The following PACS1 variants were observed in gnomAD, a reference collection of about 807,000 sequenced individuals.
PACS1 encodes PACS-1.
Under a neutral mutation model 115.0 loss-of-function variants are expected in PACS1, and 24 were observed. The observed-to-expected ratio is 0.21, with a 90% CI of 0.15 to 0.29. The LOEUF (loss-of-function observed/expected upper bound fraction) is 0.29, where lower values mean the gene tolerates loss of function less well. PACS1 is among the 10% of genes least tolerant of loss of function. The pLI, the probability that PACS1 is intolerant of heterozygous loss-of-function variation, is 1.00. For synonymous variants in PACS1, 453 were observed against 504.5 expected, an observed-to-expected ratio of 0.90 and a Z score of 1.37; for missense variants, 838 against 1,251.2, an observed-to-expected ratio of 0.67 and a Z score of 4.98.
chr11:66,222,681 AG>A (rs1279610473), intron 10 of PACS1, among the ~76,000 whole-genome samples: 1 of 152,282 alleles, frequency 6.6e-6, no homozygotes, highest in African/African-American at 2.4e-5. Context: ...ATGGTTCACC[AG>A]GGGGAATACC....
chr11:66,241,754 A>C, intron 22 of PACS1, 101 bp downstream of exon 22: 1 of 952,134 alleles, frequency 1.1e-6, no homozygotes, highest in African/African-American at 1.6e-5. Flanking sequence ...TTTGGGATGA[A>C]GAAGCATCCC....
intron 7 of PACS1, 114 bp from the exon 8 acceptor site, chr11:66,219,632 G>A (rs758586982): frequency 2.4e-6 from 2 of 836,172 alleles, no homozygotes; most frequent in Non-Finnish European, 4.2e-6. Flanking sequence ...AAGTCCTCCA[G>A]TCTTCGTGTC....
intron 1 of PACS1, among the ~76,000 whole-genome samples, chr11:66,094,588 TG>T (rs1251077546): frequency 6.6e-6 from 1 of 152,194 alleles, no homozygotes; most frequent in Non-Finnish European, 1.5e-5. Flanking sequence ...CAGTACCAGA[TG>T]GATTCACAGC....
At chr11:66,114,127 G>T (rs188521611) in intron 1 of PACS1, among the ~76,000 whole-genome samples, 1 of 151,272 alleles carries the variant, frequency 6.6e-6, no homozygotes, top group Non-Finnish European at 1.5e-5. Flanking sequence ...ACATAAAAAC[G>T]TATCTTGGGG....
At chr11:66,177,327 G>C (rs2134648940) in intron 1 of PACS1, among the ~76,000 whole-genome samples, 1 of 152,124 alleles carries the variant, frequency 6.6e-6, no homozygotes, top group Admixed American at 6.6e-5. Context: ...CAAGCAGCTG[G>C]GATTACACCA....
intron 4 of PACS1, among the ~76,000 whole-genome samples, chr11:66,213,343 A>C (rs1452249954): frequency 6.6e-6 from 1 of 152,158 alleles, no homozygotes; most frequent in Non-Finnish European, 1.5e-5. Flanking sequence ...GTCCTTAGTA[A>C]TATGTCTCAT....
intron 1 of PACS1, among the ~76,000 whole-genome samples, chr11:66,177,605 GT>G (rs962900128): frequency 6.6e-6 from 1 of 151,746 alleles, no homozygotes; most frequent in Non-Finnish European, 1.5e-5. Context: ...TTCCTGTAAG[GT>G]TTTTTTTGTT....
intron 13 of PACS1, chr11:66,231,856 C>T: frequency 3.5e-6 from 1 of 288,974 alleles, no homozygotes. Flanking sequence ...TACGCTGCTG[C>T]CCCTCCTGCC....
chr11:66,202,742 A>AAAAAAAAAAAAAATATATAT (rs1200930188), intron 2 of PACS1, among the ~76,000 whole-genome samples: 1 of 71,608 alleles, frequency 1.4e-5, no homozygotes, highest in African/African-American at 7.9e-5. Context: ...AAAAAAAAAA[A>AAAAAAAAAAAAAATATATAT]ATATATATAT....
chr11:66,147,087 G>A (rs1457241916), intron 1 of PACS1, among the ~76,000 whole-genome samples: 10 of 151,978 alleles, frequency 6.6e-5, no homozygotes, highest in Non-Finnish European at 1.5e-4. Flanking sequence ...AAAAGAATAA[G>A]AATGTCTTGA....
chr11:66,231,475 G>A (rs1183328773), intron 13 of PACS1, among the ~76,000 whole-genome samples: 1 of 152,222 alleles, frequency 6.6e-6, no homozygotes, highest in Admixed American at 6.5e-5. Context: ...TTCTCCTTTT[G>A]AAGGCCTGTG....
rs773871210 is a variant in PACS1 at position 66,233,110 on chromosome 11, CT to C, written c.1838+45del. On this transcript the variant is annotated intron_variant, in intron 15 of 23. Coordinates refer to ENST00000320580, the MANE Select transcript of PACS1 (RefSeq NM_018026.4). The surrounding 1 kb of genome is among the most constrained non-coding windows in gnomAD (Gnocchi z 4.5). Reference sequence around the variant, plus strand: ...CTTCTCCTGCCCTTAGAGATTCCCTCTGACCTCATCTTCCAACCCTGACTTC... The same window carrying C: ...CTTCTCCTGCCCTTAGAGATTCCCTCGACCTCATCTTCCAACCCTGACTTC... 21 of 1,388,650 alleles carry C rather than the reference CT, an allele frequency of 1.5e-5. No homozygotes were observed. The East Asian group carries it at 4.6e-4, about 30-fold the overall frequency. 86.0% of individuals were successfully genotyped at this position (1,388,650 alleles called of 1,614,324 possible).
At chr11:66,197,792 TAAAAATA>T (rs568845688) in intron 2 of PACS1, among the ~76,000 whole-genome samples, 329 of 152,184 alleles carry the variant, frequency 2.2e-3, no homozygotes, top group African/African-American at 6.8e-3. Context: ...ACCTTGTCTC[TAAAAATA>T]AAAAATAAAA....
intron 4 of PACS1, among the ~76,000 whole-genome samples, chr11:66,214,820 C>CT (rs1855162243): frequency 6.6e-6 from 1 of 151,760 alleles, no homozygotes; most frequent in African/African-American, 2.4e-5. Context: ...CGGGGTTCCA[C>CT]CATGTTGCTC....
chr11:66,173,383 A>G (rs963159308), intron 1 of PACS1, among the ~76,000 whole-genome samples: 1 of 152,154 alleles, frequency 6.6e-6, no homozygotes, highest in Non-Finnish European at 1.5e-5. Context: ...TCCATTGTCA[A>G]ATAAAAGACT....
rs1046631891 is a variant in PACS1, at chr11:66,070,510, C to A, written c.24C>A (p.Gly8=). The change falls in exon 1 of 24, where the codon GGC becomes GGA. Residue 8 remains glycine (G), a synonymous_variant. Transcript: ENST00000320580. This position sits in a 1 kb window ranked among gnomAD's most constrained non-coding sequence, Gnocchi z 5.9. ...CCATGGCGGAACGCGGAGGGGCGGG[C>A]GGTGGTCCCGGAGGCGCCGGGGGCG... The part of the protein sequence containing the change: MAERGGA[G]GGPGGAGGGS... The A allele has an allele frequency of 7.6e-7, 1 of 1,308,612 alleles. No homozygotes were observed. The highest frequency in any genetic ancestry group is 9.6e-7 in the Non-Finnish European group (1 of 1,036,776). The allele number at this position is 1,308,612 out of a possible 1,614,324, so 81.1% of individuals were successfully genotyped here.
chr11:66,193,621 C>A (rs1046564298), intron 2 of PACS1, 48 bp downstream of exon 2: 7 of 1,373,270 alleles, frequency 5.1e-6, no homozygotes, highest in Non-Finnish European at 7.3e-6. Context: ...AGCTGGATAA[C>A]CATTTGCCCA....
intron 1 of PACS1, among the ~76,000 whole-genome samples, chr11:66,130,398 A>G (rs1198800856): frequency 3.3e-5 from 5 of 152,206 alleles, no homozygotes; most frequent in African/African-American, 1.2e-4. Context: ...TTCCAATTAA[A>G]AATGTGTTAT....
chr11:66,235,308 G>A lies in PACS1; in HGVS notation c.2112G>A (p.Leu704=). 6.2e-7 allele frequency: 1 copy of A among 1,613,580 alleles called. No homozygotes were observed. The highest frequency in any genetic ancestry group is 1.3e-5 in the African/African-American group (1 of 75,012). ...CTCTTGGCTTTTCTGCAGAGCAACT[G>A]GACGTGGCAGGGCGGGTGATGCAGT... ...SRSEPPVSEQ[L]DVAGRVMQYV... Residue 704 remains leucine, a synonymous_variant, in exon 18 of 24, where the codon CTG becomes CTA. Coordinates refer to ENST00000320580, the MANE Select transcript of PACS1 (RefSeq NM_018026.4). The surrounding 1 kb of genome is among the most constrained non-coding windows in gnomAD (Gnocchi z 5.6).
Sources: gnomAD v4.1 joint callset for allele counts (sites outside exome capture counted in the v4.1 genomes callset) on GRCh38, gnomAD v4.1.1 for gene constraint, Gnocchi (gnomAD v3.1) non-coding constraint, MANE v1.5 for transcripts, NCBI Gene and HGNC (gene_info 2026-07-23, HGNC 2026-07-21) for gene names.